The following BAZ2B variants were observed in gnomAD, a reference collection of about 807,000 sequenced individuals.
BAZ2B encodes bromodomain adjacent to zinc finger domain 2B.
In BAZ2B, 91 loss-of-function variants were observed where a neutral mutation model predicts 246.0. The observed-to-expected ratio is 0.37, with a 90% CI of 0.31 to 0.44. The LOEUF (loss-of-function observed/expected upper bound fraction) is 0.44, where lower values mean the gene tolerates loss of function less well. BAZ2B is among the 20% of genes least tolerant of loss of function. The pLI, the probability that BAZ2B is intolerant of heterozygous loss-of-function variation, is 1.00. For synonymous variants in BAZ2B, 855 were observed against 860.0 expected (o/e 0.99, Z 0.10); for missense variants, 2,332 against 2,533.7 (o/e 0.92, Z 1.71).
chr2:159,418,022 T>C (rs2068072149), intron 13 of BAZ2B, among the ~76,000 whole-genome samples: 1 of 152,196 alleles, frequency 6.6e-6, no homozygotes, highest in Non-Finnish European at 1.5e-5. Context: ...GAACACCGCC[T>C]GGATGTGAAG....
At chr2:159,456,156 A>C (rs1045343718) in intron 3 of BAZ2B, among the ~76,000 whole-genome samples, 1 of 152,064 alleles carries the variant, frequency 6.6e-6, no homozygotes, top group African/African-American at 2.4e-5. Flanking sequence ...GCTATATTAA[A>C]TATTACAAAA....
At chr2:159,566,780 C>T (rs926827149) in intron 1 of BAZ2B, among the ~76,000 whole-genome samples, 21 of 152,064 alleles carry the variant, frequency 1.4e-4, no homozygotes, top group Admixed American at 8.5e-4. Flanking sequence ...TAACTTTTCC[C>T]GCTCTAATTA....
chr2:159,474,961 C>T lies in BAZ2B; in HGVS notation c.145+3614G>A, dbSNP rs536651296. 9.9e-5 allele frequency among the ~76,000 whole-genome samples: 15 copies of T among 152,154 alleles called. No homozygotes were observed. The East Asian group carries it at 2.1e-3, about 22-fold the overall frequency. On this transcript the variant is annotated intron_variant, in intron 3 of 36. Transcript: ENST00000392783. ...GATGGGGTTCCCTTTGTGGGTAACC[C>T]GACCTTTCTCTCTGGCTGCCCTTAA...
chr2:159,606,075 C>T (rs1693427774), intron 1 of BAZ2B, among the ~76,000 whole-genome samples: 1 of 152,158 alleles, frequency 6.6e-6, no homozygotes, highest in African/African-American at 2.4e-5. Flanking sequence ...ACCCAACAAG[C>T]TGCAGAAAAT....
chr2:159,705,413 A>G, the BAZ2B span, among the ~76,000 whole-genome samples: 128 of 152,314 alleles, frequency 8.4e-4, no homozygotes, highest in Middle Eastern at 6.8e-3. Flanking sequence ...GGTAAGCAAT[A>G]TTTTGTTTTC....
At chr2:159,342,638 A>G (rs1484956105) in intron 31 of BAZ2B, among the ~76,000 whole-genome samples, 1 of 152,196 alleles carries the variant, frequency 6.6e-6, no homozygotes, top group Non-Finnish European at 1.5e-5. Context: ...GAAATCAAGA[A>G]GGCAATCCCA....
At chr2:159,558,317 C>T (rs1178846860) in intron 1 of BAZ2B, among the ~76,000 whole-genome samples, 6 of 151,990 alleles carry the variant, frequency 3.9e-5, no homozygotes, top group East Asian at 1.9e-4. Flanking sequence ...AGTGCAATGG[C>T]GCGATCTCAG....
chr2:159,560,568 G>A (rs910052181), intron 1 of BAZ2B, among the ~76,000 whole-genome samples: 3 of 151,426 alleles, frequency 2.0e-5, no homozygotes, highest in African/African-American at 4.9e-5. Flanking sequence ...GGTTTATAAA[G>A]CAACTTTTTT....
chr2:159,333,244 G>A (rs16843897), intron 33 of BAZ2B, among the ~76,000 whole-genome samples: 1 of 151,966 alleles, frequency 6.6e-6, no homozygotes, highest in East Asian at 1.9e-4. Flanking sequence ...ACCAGGAAAC[G>A]TTGAAAATCA....
chr2:159,558,179 G>C (rs1488011043), intron 1 of BAZ2B, among the ~76,000 whole-genome samples: 1 of 152,164 alleles, frequency 6.6e-6, no homozygotes, highest in African/African-American at 2.4e-5. Context: ...CTTTTATTTA[G>C]AACAATAGGA....
chr2:159,482,318 T>G (rs1261422699), intron 2 of BAZ2B, among the ~76,000 whole-genome samples: 1 of 152,160 alleles, frequency 6.6e-6, no homozygotes, highest in East Asian at 1.9e-4. Flanking sequence ...GTTTATTAGT[T>G]GTGATTTTGT....
the BAZ2B span, among the ~76,000 whole-genome samples, chr2:159,709,179 C>T: frequency 2.0e-5 from 3 of 150,464 alleles, no homozygotes; most frequent in Non-Finnish European, 4.4e-5. Flanking sequence ...CTTGGCCAGG[C>T]GCGGTGGCTA....
At chr2:159,604,815 T>C (rs1193079882) in intron 1 of BAZ2B, among the ~76,000 whole-genome samples, 1 of 152,170 alleles carries the variant, frequency 6.6e-6, no homozygotes, top group African/African-American at 2.4e-5. Flanking sequence ...AATCATTAAA[T>C]GTCAAAAAAT....
At chr2:159,512,300 G>C (rs62173245) in intron 2 of BAZ2B, among the ~76,000 whole-genome samples, 1 of 151,980 alleles carries the variant, frequency 6.6e-6, no homozygotes, top group Admixed American at 6.6e-5. Context: ...CTTCTATTTC[G>C]ATCCAGAAGG....
chr2:159,343,812 G>A (rs1277116335), intron 31 of BAZ2B, among the ~76,000 whole-genome samples: 1 of 151,642 alleles, frequency 6.6e-6, no homozygotes, highest in Admixed American at 6.6e-5. Flanking sequence ...AGATCACAAG[G>A]TCAGGAGATC....
At chr2:159,368,728 G>A (rs548593177) in intron 27 of BAZ2B, among the ~76,000 whole-genome samples, 1 of 151,802 alleles carries the variant, frequency 6.6e-6, no homozygotes, top group Non-Finnish European at 1.5e-5. Context: ...AACAATCGAA[G>A]AATTCATATA....
rs557901736 is a variant in BAZ2B, at chr2:159,338,290, C to T, written c.5455-518G>A. On this transcript the variant is annotated intron_variant, in intron 31 of 36. Coordinates refer to ENST00000392783, the MANE Select transcript of BAZ2B (RefSeq NM_013450.4). Reference sequence around the variant, plus strand: ...TTCATAGGTCTCATGTTAAGATTCACTTTAACATGAAAGGATCCTGATAGG... The same window carrying T: ...TTCATAGGTCTCATGTTAAGATTCATTTTAACATGAAAGGATCCTGATAGG... Among the ~76,000 whole-genome samples, 12 of 152,298 alleles carry T rather than the reference C, an allele frequency of 7.9e-5. No homozygotes were observed. The South Asian group carries it at 2.5e-3, about 32-fold the overall frequency.
the BAZ2B span, among the ~76,000 whole-genome samples, chr2:159,699,120 C>T: frequency 6.6e-6 from 1 of 152,072 alleles, no homozygotes; most frequent in Non-Finnish European, 1.5e-5. Flanking sequence ...GCAGACACAC[C>T]CAGTATCCTC....
chr2:159,624,951 C>T, the BAZ2B span, among the ~76,000 whole-genome samples: 1 of 152,018 alleles, frequency 6.6e-6, no homozygotes, highest in Non-Finnish European at 1.5e-5. Context: ...GTTAGAGGAA[C>T]TGCTAACTAG....
Sources: gnomAD v4.1 joint callset for allele counts (sites outside exome capture counted in the v4.1 genomes callset) on GRCh38, gnomAD v4.1.1 for gene constraint, MANE v1.5 for transcripts, NCBI Gene and HGNC (gene_info 2026-07-23, HGNC 2026-07-21) for gene names.